The following EPM2A variants were observed in gnomAD, a reference collection of about 807,000 sequenced individuals.
The protein encoded by EPM2A is EPM2A glucan phosphatase, laforin, also known as laforin.
EPM2A carries 21 observed loss-of-function variants against 26.5 expected under a neutral mutation model. The ratio of observed to expected loss-of-function variants is 0.79; its 90% CI spans 0.56 to 1.14. EPM2A has a LOEUF of 1.14. EPM2A is among the 50% of genes most tolerant of loss of function. The pLI, the probability that EPM2A is intolerant of heterozygous loss-of-function variation, is 0.00. For missense variants in EPM2A, 458 were observed against 440.8 expected (o/e 1.04, Z -0.35); for synonymous variants, 217 against 177.6 (o/e 1.22, Z -1.76).
chr6:145,416,252 C>CTTTT (rs71753932), intron 4 of EPM2A, among the ~76,000 whole-genome samples: 1 of 146,096 alleles, frequency 6.8e-6, no homozygotes, highest in East Asian at 2.0e-4. Context: ...AACAGGCAGG[C>CTTTT]TTTTTTTTTT....
intron 2 of EPM2A, chr6:145,670,757 A>G (rs1779580661): frequency 5.1e-6 from 1 of 196,594 alleles, no homozygotes; most frequent in Admixed American, 6.5e-5. Context: ...ATTTAAATAT[A>G]TTTCTCTTAT....
At chr6:145,405,447 C>A (rs9390319) in intron 4 of EPM2A, among the ~76,000 whole-genome samples, 57,085 of 151,812 alleles carry the variant, frequency 0.38, 10,992 homozygotes, top group South Asian at 0.46. Flanking sequence ...ATGAATGACA[C>A]CCTAGAGTTA....
chr6:145,732,239 G>GCA lies in EPM2A; in HGVS notation c.301+2958_301+2959insTG, dbSNP rs1562531377. ...TGTGTGTGTGTGTGTGTGTGTGTGC[G>GCA]CGCCAAAGTAAGGAAGGGAGAGGAA... On this transcript the variant is annotated intron_variant, in intron 1 of 3. Transcript: ENST00000367519. Among the ~76,000 whole-genome samples the GCA allele has an allele frequency of 2.7e-4, 29 of 109,044 alleles. 1 individual carries two copies. The East Asian group carries it at 4.7e-3, about 18-fold the overall frequency. 71.5% of individuals were successfully genotyped at this position (109,044 alleles called of 152,430 possible).
At chr6:145,489,805 T>A (rs1380519396) in intron 4 of EPM2A, 3 of 1,433,074 alleles carry the variant, frequency 2.1e-6, no homozygotes, top group Non-Finnish European at 2.9e-6. Context: ...TGGGGTCACG[T>A]GGTCCAAGTC....
intron 2 of EPM2A, among the ~76,000 whole-genome samples, chr6:145,646,034 C>T (rs1376146588): frequency 6.6e-6 from 1 of 152,150 alleles, no homozygotes; most frequent in Non-Finnish European, 1.5e-5. Context: ...TAATTTTTCC[C>T]TTAAACAATG....
chr6:145,617,602 T>C (rs1481005056), intron 2 of EPM2A, among the ~76,000 whole-genome samples: 1 of 152,196 alleles, frequency 6.6e-6, no homozygotes, highest in Non-Finnish European at 1.5e-5. Flanking sequence ...GAAACTAAAG[T>C]TCTCATTTAA....
downstream of EPM2A, among the ~76,000 whole-genome samples, chr6:145,621,016 T>A (rs1775622183): frequency 6.6e-6 from 1 of 152,222 alleles, no homozygotes; most frequent in South Asian, 2.1e-4. Context: ...ATTGTCATCA[T>A]CATGTTGTAA....
At chr6:145,526,903 T>C (rs140251923) in intron 2 of EPM2A, among the ~76,000 whole-genome samples, 5 of 152,206 alleles carry the variant, frequency 3.3e-5, no homozygotes, top group African/African-American at 7.2e-5. Flanking sequence ...TTCTATTGCT[T>C]TTTGATGCAG....
At chr6:145,491,350 G>T (rs1050451834) in intron 4 of EPM2A, among the ~76,000 whole-genome samples, 1 of 152,126 alleles carries the variant, frequency 6.6e-6, no homozygotes, top group Non-Finnish European at 1.5e-5. Flanking sequence ...CAGGAGTCAG[G>T]GCAAGTGCTT....
At chr6:145,683,307 G>GTGTGTT (rs765064261) in intron 2 of EPM2A, among the ~76,000 whole-genome samples, 1 of 135,324 alleles carries the variant, frequency 7.4e-6, no homozygotes, top group African/African-American at 2.6e-5. Context: ...GTGTGTGTGT[G>GTGTGTT]AGTGTGTATA....
chr6:145,428,074 AG>A (rs1778874408), intron 4 of EPM2A, among the ~76,000 whole-genome samples: 1 of 115,086 alleles, frequency 8.7e-6, no homozygotes, highest in African/African-American at 3.7e-5. Flanking sequence ...TTGTGTTGAT[AG>A]TTTTTTTTTT....
chr6:145,649,707 T>C (rs1777737500), intron 2 of EPM2A, among the ~76,000 whole-genome samples: 1 of 152,328 alleles, frequency 6.6e-6, no homozygotes, highest in African/African-American at 2.4e-5. Context: ...CTTCCACCTA[T>C]TTTTGTAAAT....
intron 4 of EPM2A, among the ~76,000 whole-genome samples, chr6:145,486,816 T>C (rs1364244646): frequency 6.6e-6 from 1 of 152,180 alleles, no homozygotes; most frequent in Non-Finnish European, 1.5e-5. Context: ...TATTACACAT[T>C]ACATATGTAT....
At chr6:145,707,776 G>A (rs1366275983) in intron 1 of EPM2A, among the ~76,000 whole-genome samples, 2 of 152,130 alleles carry the variant, frequency 1.3e-5, no homozygotes, top group Admixed American at 1.3e-4. Context: ...AGCAGCATGG[G>A]AACAGACTAA....
chr6:145,678,767 T>A (rs906521385), intron 2 of EPM2A, among the ~76,000 whole-genome samples: 3 of 152,120 alleles, frequency 2.0e-5, no homozygotes, highest in Non-Finnish European at 2.9e-5. Context: ...CTGGAGGGGA[T>A]GTGGGGAAAT....
At position 145,626,386 on chromosome 6, in the gene EPM2A, G is replaced by A. The variant is rs1364036346; in HGVS notation, c.*1030C>T. 8 of 985,848 alleles carry A rather than the reference G, an allele frequency of 8.1e-6. No individual in the cohort carries two copies. The Admixed American group carries it at 1.8e-4, about 23-fold the overall frequency. The allele number at this position is 985,848 out of a possible 1,614,324, so 61.1% of individuals were successfully genotyped here. ...TGGATTTGGTCATTTGGGCTCTTTTGGTAGTATAGTTCCTCTCATGAATTT... is the reference window on the plus strand; with the variant it reads ...TGGATTTGGTCATTTGGGCTCTTTTAGTAGTATAGTTCCTCTCATGAATTT... On this transcript the variant is annotated 3_prime_UTR_variant, in exon 4 of 4. Coordinates refer to ENST00000367519, the MANE Select transcript of EPM2A (RefSeq NM_005670.4).
intron 2 of EPM2A, among the ~76,000 whole-genome samples, chr6:145,568,249 G>A (rs923861634): frequency 6.6e-6 from 1 of 151,958 alleles, no homozygotes; most frequent in Non-Finnish European, 1.5e-5. Flanking sequence ...GAGAAACTGA[G>A]CCTCAGAGAG....
chr6:145,559,665 CTTTCTCCTT>C, intron 2 of EPM2A, among the ~76,000 whole-genome samples: 1 of 137,086 alleles, frequency 7.3e-6, no homozygotes, highest in East Asian at 2.1e-4. Context: ...TCCAATAATA[CTTTCTCCTT>C]TTTTTTTTTT....
At chr6:145,451,104 C>A (rs1017742863) in intron 4 of EPM2A, among the ~76,000 whole-genome samples, 1 of 152,118 alleles carries the variant, frequency 6.6e-6, no homozygotes, top group African/African-American at 2.4e-5. Context: ...ACGGTTTAAG[C>A]TTTTAAGTGA....
Sources: allele counts gnomAD v4.1 joint callset (sites outside exome capture counted in the v4.1 genomes callset), GRCh38; gene constraint gnomAD v4.1.1; transcripts MANE v1.5; gene names NCBI Gene and HGNC (gene_info 2026-07-23, HGNC 2026-07-21).